Variants in MCHR2 observed in about 807,000 individuals in gnomAD.
MCHR2 encodes the protein melanin-concentrating hormone receptor 2.
A neutral mutation model predicts 24.8 loss-of-function variants in MCHR2; 15 were observed. The ratio of observed to expected loss-of-function variants is 0.60; its 90% CI spans 0.40 to 0.93. MCHR2 has a LOEUF of 0.93. Ranked by LOEUF, MCHR2 falls within the 40% of genes least tolerant of loss-of-function variation. The pLI is 0.00. For synonymous variants in MCHR2, 151 were observed against 147.6 expected, an observed-to-expected ratio of 1.02 and a Z score of -0.17; for missense variants, 386 against 408.7, an observed-to-expected ratio of 0.94 and a Z score of 0.48.
chr6:99,931,215 AC>A (rs1774523640), intron 5 of MCHR2, among the ~76,000 whole-genome samples: 1 of 152,040 alleles, frequency 6.6e-6, no homozygotes, highest in Non-Finnish European at 1.5e-5. Flanking sequence ...TCAGAGGAGT[AC>A]CTGGCCATGT....
At chr6:99,941,341 C>T (rs1364126763) in intron 4 of MCHR2, among the ~76,000 whole-genome samples, 1 of 149,294 alleles carries the variant, frequency 6.7e-6, no homozygotes, top group Non-Finnish European at 1.5e-5. Flanking sequence ...TAATGATAAC[C>T]TTGGTGCTGT....
intron 3 of MCHR2, among the ~76,000 whole-genome samples, chr6:99,945,272 A>AT (rs1390985816): frequency 6.6e-6 from 1 of 152,140 alleles, no homozygotes; most frequent in Non-Finnish European, 1.5e-5. Context: ...CTCAATAAAT[A>AT]TTTTTTGAAC....
chr6:99,926,896 C>G (rs898528991), intron 5 of MCHR2, among the ~76,000 whole-genome samples: 2 of 152,180 alleles, frequency 1.3e-5, no homozygotes, highest in Admixed American at 1.3e-4. Flanking sequence ...GTGTTTTAGA[C>G]ATGAAGTCCT....
chr6:99,942,369 C>T (rs764870774), intron 4 of MCHR2, among the ~76,000 whole-genome samples: 16 of 152,250 alleles, frequency 1.1e-4, no homozygotes, highest in South Asian at 4.1e-4. Flanking sequence ...CTCCAATCTC[C>T]GCCTCTGTCT....
intron 1 of MCHR2, among the ~76,000 whole-genome samples, chr6:99,956,500 T>G (rs571712870): frequency 6.6e-6 from 1 of 152,142 alleles, no homozygotes; most frequent in Non-Finnish European, 1.5e-5. Context: ...ATCACGTCTA[T>G]TCTTATTGGC....
chr6:99,951,558 G>C lies in MCHR2; in HGVS notation c.183-3587C>G, dbSNP rs117433208. Among the ~76,000 whole-genome samples the C allele has an allele frequency of 1.4e-4, 22 of 152,280 alleles. No homozygotes were observed. The East Asian group carries it at 3.5e-3, about 24-fold the overall frequency. On this transcript the variant is annotated intron_variant, in intron 2 of 5. Coordinates refer to ENST00000281806, the MANE Select transcript of MCHR2 (RefSeq NM_001040179.2). ...TCAACTTCCTTAGATTCCCAAGCCAGCTTCTCATATTGGCCAACTGGACCA... is the reference window on the plus strand; with the variant it reads ...TCAACTTCCTTAGATTCCCAAGCCACCTTCTCATATTGGCCAACTGGACCA...
intron 2 of MCHR2, among the ~76,000 whole-genome samples, chr6:99,952,108 CTAGT>C: frequency 6.6e-6 from 1 of 152,116 alleles, no homozygotes; most frequent in South Asian, 2.1e-4. Context: ...CCTGTGGAGA[CTAGT>C]TGAGTAATGG....
At chr6:99,967,480 G>C (rs575247868) in intron 1 of MCHR2, among the ~76,000 whole-genome samples, 1 of 152,226 alleles carries the variant, frequency 6.6e-6, no homozygotes, top group East Asian at 1.9e-4. Context: ...TAATTTCATA[G>C]TTTTGATTAT....
chr6:99,984,977 A>C (rs1203439370), intron 1 of MCHR2, among the ~76,000 whole-genome samples: 3 of 152,310 alleles, frequency 2.0e-5, no homozygotes, highest in South Asian at 2.1e-4. Flanking sequence ...ACTTCAGTAA[A>C]GTTTCAGAAT....
At chr6:99,941,429 C>G (rs1177610824) in intron 4 of MCHR2, among the ~76,000 whole-genome samples, 1 of 151,978 alleles carries the variant, frequency 6.6e-6, no homozygotes, top group Non-Finnish European at 1.5e-5. Flanking sequence ...CATTTTGGAA[C>G]TGGAAGTGCA....
At chr6:99,945,064 AAAG>A (rs944816594) in intron 3 of MCHR2, among the ~76,000 whole-genome samples, 4 of 152,126 alleles carry the variant, frequency 2.6e-5, no homozygotes. Flanking sequence ...CATGACTATA[AAAG>A]AAGATTATAG....
intron 2 of MCHR2, among the ~76,000 whole-genome samples, chr6:99,953,610 G>T (rs1775006432): frequency 6.6e-6 from 1 of 150,636 alleles, no homozygotes; most frequent in East Asian, 2.0e-4. Flanking sequence ...AGTCTTTCTT[G>T]TATTATTTTT....
chr6:99,973,048 G>T (rs947765421), intron 1 of MCHR2, among the ~76,000 whole-genome samples: 11 of 152,066 alleles, frequency 7.2e-5, no homozygotes, highest in African/African-American at 2.7e-4. Flanking sequence ...TATTGATTTG[G>T]GGTGGAGAGT....
chr6:99,965,958 C>T lies in MCHR2; in HGVS notation c.-27-9784G>A, dbSNP rs548414798. Among the ~76,000 whole-genome samples, 26 of 152,182 alleles carry T rather than the reference C, an allele frequency of 1.7e-4. No individual in the cohort carries two copies. The East Asian group carries it at 1.9e-3, about 11-fold the overall frequency. On this transcript the variant is annotated intron_variant, in intron 1 of 5. Transcript: ENST00000281806. ...TTTGGGAGTATAATCAATTTGGCTA[C>T]GTATTAATTTCTTTTAATGCTTAAT...
At position 99,918,709 on chromosome 6, in the gene MCHR2, T is replaced by C. The variant is rs1774165705; in HGVS notation, c.*2231A>G. On this transcript the variant is annotated 3_prime_UTR_variant, in exon 6 of 6. Transcript: ENST00000281806. ...ACATAGAAAACACACAAAGAATCTC[T>C]ATCAAATCACCTCTGTAAATCTGCA... Among the ~76,000 whole-genome samples the C allele has an allele frequency of 6.6e-6, 1 of 152,214 alleles. No individual in the cohort carries two copies. The highest frequency in any genetic ancestry group is 1.5e-5 in the Non-Finnish European group (1 of 68,030).
chr6:99,947,611 C>A, intron 3 of MCHR2, 151 bp downstream of exon 3: 1 of 622,510 alleles, frequency 1.6e-6, no homozygotes. Context: ...GAAAGTTGAA[C>A]AAAATATTCT....
intron 2 of MCHR2, among the ~76,000 whole-genome samples, chr6:99,948,711 G>GT (rs1466201851): frequency 1.3e-5 from 2 of 152,104 alleles, no homozygotes; most frequent in African/African-American, 4.8e-5. Context: ...ATACACTCAG[G>GT]TAAAAGATTT....
intron 1 of MCHR2, among the ~76,000 whole-genome samples, chr6:99,984,578 C>T (rs1437766515): frequency 6.6e-6 from 1 of 151,884 alleles, no homozygotes; most frequent in African/African-American, 2.4e-5. Flanking sequence ...TTAAAAAACC[C>T]TATGGTCACA....
chr6:99,948,791 A>T (rs1774919712), intron 2 of MCHR2, among the ~76,000 whole-genome samples: 2 of 152,056 alleles, frequency 1.3e-5, no homozygotes, highest in Admixed American at 6.6e-5. Context: ...TGTCTAATGC[A>T]TTTTTTTTCT....
Sources: allele counts gnomAD v4.1 joint callset (sites outside exome capture counted in the v4.1 genomes callset), GRCh38; gene constraint gnomAD v4.1.1; transcripts MANE v1.5; gene names NCBI Gene and HGNC (gene_info 2026-07-23, HGNC 2026-07-21).